Variants in SLX4IP observed in about 807,000 individuals in gnomAD.
SLX4IP encodes the protein SLX4 interacting protein.
SLX4IP carries 34 observed loss-of-function variants against 32.9 expected under a neutral mutation model. The observed-to-expected ratio is 1.03, with a 90% CI of 0.79 to 1.38. The LOEUF is 1.38. Among genes scored for constraint, SLX4IP ranks in the 40% most tolerant of loss-of-function variants. The probability of loss-of-function intolerance (pLI) is 0.00; values close to 1 mark genes in which losing one functional copy is unlikely to be tolerated. For missense variants in SLX4IP, 444 were observed against 479.0 expected, an observed-to-expected ratio of 0.93 and a Z score of 0.68; for synonymous variants, 172 against 171.7, an observed-to-expected ratio of 1.00 and a Z score of -0.01.
intron 1 of SLX4IP, among the ~76,000 whole-genome samples, chr20:10,443,549 C>T (rs771156693): frequency 2.6e-5 from 4 of 152,120 alleles, no homozygotes; most frequent in South Asian, 2.1e-4. Flanking sequence ...TTCCACAGTG[C>T]GGCATGCATG....
intron 2 of SLX4IP, among the ~76,000 whole-genome samples, chr20:10,521,417 T>C (rs1335343011): frequency 6.6e-6 from 1 of 152,168 alleles, no homozygotes; most frequent in Non-Finnish European, 1.5e-5. Context: ...CTCTCTTCTC[T>C]CTACGTGGGT....
At chr20:10,522,899 T>C (rs1298623934) in intron 2 of SLX4IP, among the ~76,000 whole-genome samples, 1 of 152,152 alleles carries the variant, frequency 6.6e-6, no homozygotes, top group East Asian at 1.9e-4. Flanking sequence ...AAGAATTTGG[T>C]AGGACAGAAA....
At chr20:10,558,882 A>G (rs958097682) in intron 3 of SLX4IP, among the ~76,000 whole-genome samples, 3 of 152,226 alleles carry the variant, frequency 2.0e-5, no homozygotes, top group Non-Finnish European at 4.4e-5. Context: ...TGTCTATCAC[A>G]CTGCACTTGG....
rs532605849 is a variant in SLX4IP at position 10,502,444 on chromosome 20, G to A, written c.27+44213G>A. On this transcript the variant is annotated intron_variant, in intron 2 of 7. Coordinates refer to ENST00000334534, the MANE Select transcript of SLX4IP (RefSeq NM_001009608.3). ...CAAAGCCCATGCCCTCAGGCCTTCC[G>A]ATCTGACTCTTCTCTGTGCATGTGC... Among the ~76,000 whole-genome samples, 9 of 152,270 alleles carry A rather than the reference G, an allele frequency of 5.9e-5. No homozygotes were observed. The East Asian group carries it at 7.7e-4, about 13-fold the overall frequency.
At chr20:10,522,617 A>G (rs571293273) in intron 2 of SLX4IP, among the ~76,000 whole-genome samples, 1 of 152,158 alleles carries the variant, frequency 6.6e-6, no homozygotes, top group Non-Finnish European at 1.5e-5. Flanking sequence ...TTCTTAGCCA[A>G]GTGCCTTACC....
intron 2 of SLX4IP, among the ~76,000 whole-genome samples, chr20:10,460,365 G>A (rs960546646): frequency 5.3e-5 from 8 of 152,210 alleles, no homozygotes; most frequent in Admixed American, 6.5e-5. Flanking sequence ...TCTGTAGGTT[G>A]CCTAGCATCA....
chr20:10,588,098 C>T (rs1401602034), intron 4 of SLX4IP, among the ~76,000 whole-genome samples: 1 of 150,528 alleles, frequency 6.6e-6, no homozygotes, highest in East Asian at 1.9e-4. Flanking sequence ...GATTAATATC[C>T]AAAATATATA....
chr20:10,566,231 GTTTTAGTTAAC>G (rs58214013), intron 4 of SLX4IP, among the ~76,000 whole-genome samples: 16,996 of 137,456 alleles, frequency 0.12, 1,281 homozygotes, highest in Non-Finnish European at 0.18. Flanking sequence ...GATTGCCATT[GTTTTAGTTAAC>G]TTTTAGCACT....
At position 10,625,340 on chromosome 20, in the gene SLX4IP, G is replaced by A. The variant is rs1191286282; in HGVS notation, c.*1961G>A. 2 of 152,228 alleles carry A rather than the reference G, an allele frequency of 1.3e-5. No individual in the cohort carries two copies. The highest frequency in any genetic ancestry group is 2.9e-5 in the Non-Finnish European group (2 of 68,050). The allele number at this position is 152,228 out of a possible 1,614,324, so 9.4% of individuals were successfully genotyped here. A position where few individuals can be genotyped will look rare whatever the true frequency, so the allele number is the denominator to read the frequency against. ...AACCCAGGGGATAGACCAAGAAGCA[G>A]CTCTCTGGAAGAGTCTGGAATTAAA... On this transcript the variant is annotated 3_prime_UTR_variant, in exon 8 of 8. Coordinates refer to ENST00000334534, the MANE Select transcript of SLX4IP (RefSeq NM_001009608.3).
At chr20:10,596,146 A>G (rs2066768904) in intron 4 of SLX4IP, among the ~76,000 whole-genome samples, 2 of 152,240 alleles carry the variant, frequency 1.3e-5, no homozygotes, top group South Asian at 2.1e-4. Flanking sequence ...CTGTCACTCA[A>G]GTAGTATCTT....
At chr20:10,455,651 C>T (rs918057925) in intron 1 of SLX4IP, among the ~76,000 whole-genome samples, 4 of 150,136 alleles carry the variant, frequency 2.7e-5, no homozygotes, top group Non-Finnish European at 5.9e-5. Flanking sequence ...ACTCTGTCCC[C>T]CAGGCTAGAG....
intron 3 of SLX4IP, among the ~76,000 whole-genome samples, chr20:10,557,279 C>G (rs188117123): frequency 6.6e-6 from 1 of 152,150 alleles, no homozygotes; most frequent in East Asian, 1.9e-4. Context: ...TCCCCACCCC[C>G]CAAAAAAGAT....
intron 3 of SLX4IP, among the ~76,000 whole-genome samples, chr20:10,557,397 A>G (rs2066277990): frequency 6.6e-6 from 1 of 152,246 alleles, no homozygotes; most frequent in Non-Finnish European, 1.5e-5. Context: ...GGAAGGCACA[A>G]GGTTCTGTAT....
At position 10,461,782 on chromosome 20, in the gene SLX4IP, C is replaced by T. The variant is rs1291622210; in HGVS notation, c.27+3551C>T. ...TCTTTTCCTTATTACTTTGAGAGTG[C>T]TTTTTTCCTCTCTGAAACAGGATCT... is the stretch of plus-strand genomic sequence containing the variant. On this transcript the variant is annotated intron_variant, in intron 2 of 7. Transcript: ENST00000334534. Among the ~76,000 whole-genome samples, 3 of 152,170 alleles carry T rather than the reference C, an allele frequency of 2.0e-5. No individual in the cohort carries two copies. The South Asian group carries it at 6.2e-4, about 32-fold the overall frequency.
At chr20:10,514,903 C>G (rs1357768864) in intron 2 of SLX4IP, among the ~76,000 whole-genome samples, 1 of 152,100 alleles carries the variant, frequency 6.6e-6, no homozygotes, top group Non-Finnish European at 1.5e-5. Flanking sequence ...GTAGGATTGG[C>G]AGCAAAACCA....
At chr20:10,510,606 ATTAT>A (rs2065798307) in intron 2 of SLX4IP, among the ~76,000 whole-genome samples, 1 of 126,486 alleles carries the variant, frequency 7.9e-6, no homozygotes, top group Non-Finnish European at 1.7e-5. Flanking sequence ...TATTATTTTT[ATTAT>A]TTTTTTTTTT....
intron 7 of SLX4IP, among the ~76,000 whole-genome samples, chr20:10,622,210 G>A (rs146035439): frequency 1.3e-3 from 204 of 152,214 alleles, no homozygotes; most frequent in African/African-American, 4.6e-3. Context: ...TTATATTTGG[G>A]TAACATCTTG....
intron 7 of SLX4IP, among the ~76,000 whole-genome samples, chr20:10,621,733 T>C (rs959134366): frequency 2.4e-4 from 36 of 152,222 alleles, no homozygotes; most frequent in African/African-American, 8.0e-4. Flanking sequence ...CCTAGGATCC[T>C]TGTTCCGACT....
intron 2 of SLX4IP, among the ~76,000 whole-genome samples, chr20:10,464,305 C>T (rs940129970): frequency 2.0e-5 from 3 of 152,030 alleles, no homozygotes; most frequent in African/African-American, 7.3e-5. Context: ...TACAGATGTG[C>T]ACCACTACAC....
Sources: gnomAD v4.1 joint callset for allele counts (sites outside exome capture counted in the v4.1 genomes callset) on GRCh38, gnomAD v4.1.1 for gene constraint, MANE v1.5 for transcripts, NCBI Gene and HGNC (gene_info 2026-07-23, HGNC 2026-07-21) for gene names.